The following ARHGAP32 variants were observed in gnomAD, a reference collection of about 807,000 sequenced individuals.
ARHGAP32 encodes Rho GTPase activating protein 32.
A neutral mutation model predicts 186.5 loss-of-function variants in ARHGAP32; 51 were observed. The observed-to-expected ratio is 0.27, with a 90% CI of 0.22 to 0.35. ARHGAP32 has a LOEUF of 0.35. Among genes scored for constraint, ARHGAP32 ranks in the 10% least tolerant of loss-of-function variants. The pLI is 1.00. For missense variants in ARHGAP32, 2,186 were observed against 2,623.5 expected (o/e 0.83, Z 3.64); for synonymous variants, 950 against 964.3 (o/e 0.99, Z 0.27).
rs896663068 is a variant in ARHGAP32, at chr11:129,043,928, GT to G, written c.964-2920del. 2.6e-5 allele frequency among the ~76,000 whole-genome samples: 4 copies of G among 152,018 alleles called. No homozygotes were observed. In the South Asian group the frequency reaches 6.2e-4, roughly 24 times the overall value. ...ACCCTCATCTGAAATTAACATATCA[GT>G]TTTTTTAACTAGTCTCAGATTTTAA... On this transcript the variant is annotated intron_variant, in intron 10 of 22. Coordinates refer to ENST00000682385, the MANE Select transcript of ARHGAP32 (RefSeq NM_001378024.1).
chr11:129,118,590 G>A (rs1942436768), intron 5 of ARHGAP32, among the ~76,000 whole-genome samples: 1 of 151,946 alleles, frequency 6.6e-6, no homozygotes, highest in African/African-American at 2.4e-5. Flanking sequence ...AGAACCTAAT[G>A]AGCAATAATC....
Position 128,973,445 on chromosome 11 carries a change from T to C in ARHGAP32, c.3074-13A>G, listed in dbSNP as rs753415539. On this transcript the variant is annotated splice_polypyrimidine_tract_variant and intron_variant, in intron 21 of 22. Transcript: ENST00000682385. ...TGGGTAACTGCTCCTAGTGGGAAATTGGGAAAAAAAATGAGAGTGAAAAGG... is the reference window on the plus strand; with the variant it reads ...TGGGTAACTGCTCCTAGTGGGAAATCGGGAAAAAAAATGAGAGTGAAAAGG... 5 of 1,606,010 alleles carry C rather than the reference T, an allele frequency of 3.1e-6. No individual in the cohort carries two copies. In the East Asian group the frequency reaches 6.7e-5, roughly 22 times the overall value.
At chr11:129,163,334 T>C (rs754910495) in intron 2 of ARHGAP32, among the ~76,000 whole-genome samples, 91 of 152,276 alleles carry the variant, frequency 6.0e-4, no homozygotes, top group Middle Eastern at 3.4e-3. Flanking sequence ...AAGAAGAATT[T>C]CTTCATTCTT....
intron 10 of ARHGAP32, among the ~76,000 whole-genome samples, chr11:129,055,588 A>G (rs900504817): frequency 2.6e-5 from 4 of 152,256 alleles, no homozygotes; most frequent in African/African-American, 9.6e-5. Context: ...GACACTGAAT[A>G]TTAGATAGTG....
chr11:129,171,824 T>C (rs189148008), intron 1 of ARHGAP32, among the ~76,000 whole-genome samples: 2 of 152,350 alleles, frequency 1.3e-5, no homozygotes, highest in Admixed American at 1.3e-4. Context: ...TTTCTATTTG[T>C]TTGTGTCATC....
intron 8 of ARHGAP32, among the ~76,000 whole-genome samples, chr11:129,064,534 T>C (rs200688763): frequency 1.3e-5 from 2 of 152,138 alleles, no homozygotes; most frequent in South Asian, 2.1e-4. Context: ...AAAAATATTT[T>C]CAATTACTAA....
At chr11:129,022,365 T>G (rs1284566334) in intron 11 of ARHGAP32, among the ~76,000 whole-genome samples, 3 of 152,110 alleles carry the variant, frequency 2.0e-5, no homozygotes, top group Admixed American at 2.0e-4. Context: ...GGTTTTTGAT[T>G]TTGTGGGTTT....
At chr11:129,106,869 G>A (rs988557214) in intron 5 of ARHGAP32, among the ~76,000 whole-genome samples, 12 of 152,048 alleles carry the variant, frequency 7.9e-5, no homozygotes, top group African/African-American at 2.2e-4. Context: ...ACCAACTCTC[G>A]CATTATGGAA....
intron 2 of ARHGAP32, among the ~76,000 whole-genome samples, chr11:129,162,481 T>C (rs1223919061): frequency 2.0e-5 from 3 of 152,102 alleles, no homozygotes; most frequent in Non-Finnish European, 4.4e-5. Context: ...GAGTGTGAAA[T>C]GACTGAAGAA....
chr11:128,986,951 A>C (rs1182551653), intron 13 of ARHGAP32, among the ~76,000 whole-genome samples: 1 of 152,200 alleles, frequency 6.6e-6, no homozygotes, highest in East Asian at 1.9e-4. Flanking sequence ...CTCTTATAGT[A>C]CAACAGTCTG....
At chr11:129,095,308 G>C (rs931363957) in intron 5 of ARHGAP32, among the ~76,000 whole-genome samples, 1 of 152,168 alleles carries the variant, frequency 6.6e-6, no homozygotes, top group Admixed American at 6.5e-5. Flanking sequence ...ACAGGGTAAG[G>C]AGAAGCCAGC....
upstream of ARHGAP32, among the ~76,000 whole-genome samples, chr11:129,194,189 A>G (rs1245389676): frequency 6.6e-6 from 1 of 152,180 alleles, no homozygotes; most frequent in Non-Finnish European, 1.5e-5. Flanking sequence ...GCAATTTAGC[A>G]AAATCTACCA....
At chr11:129,015,111 T>A (rs986739130) in intron 11 of ARHGAP32, among the ~76,000 whole-genome samples, 1 of 152,150 alleles carries the variant, frequency 6.6e-6, no homozygotes, top group Non-Finnish European at 1.5e-5. Context: ...TAACAAATGT[T>A]AAGAATTGGA....
At chr11:129,105,467 T>C (rs2135317279) in intron 5 of ARHGAP32, among the ~76,000 whole-genome samples, 1 of 152,302 alleles carries the variant, frequency 6.6e-6, no homozygotes, top group Middle Eastern at 3.4e-3. Context: ...CCGGAGAAAG[T>C]GGCTTTTTCA....
chr11:129,179,183 A>G (rs1018359969), intron 1 of ARHGAP32, among the ~76,000 whole-genome samples: 1 of 152,230 alleles, frequency 6.6e-6, no homozygotes, highest in Non-Finnish European at 1.5e-5. Context: ...GCCAAAAAAC[A>G]TATGAAAAAA....
chr11:129,084,586 A>G (rs1941322293), intron 6 of ARHGAP32, among the ~76,000 whole-genome samples: 1 of 152,162 alleles, frequency 6.6e-6, no homozygotes, highest in South Asian at 2.1e-4. Context: ...AAACACAGAA[A>G]AAGCATTTAA....
intron 11 of ARHGAP32, among the ~76,000 whole-genome samples, chr11:129,037,080 T>A (rs1262643157): frequency 6.6e-6 from 1 of 151,878 alleles, no homozygotes; most frequent in Non-Finnish European, 1.5e-5. Flanking sequence ...AATAAGAAAA[T>A]GAAATGTTAA....
intron 2 of ARHGAP32, among the ~76,000 whole-genome samples, chr11:129,141,328 G>A (rs1459039600): frequency 2.6e-5 from 4 of 151,018 alleles, no homozygotes; most frequent in Non-Finnish European, 1.5e-5. Flanking sequence ...GTAGCGACAT[G>A]GATGAAGCTG....
At chr11:128,980,784 A>G (rs1233591298) in intron 17 of ARHGAP32, 36 bp from the exon 18 acceptor site, 1 of 1,461,482 alleles carries the variant, frequency 6.8e-7, no homozygotes. Context: ...AAGAGAGTCA[A>G]CTACGTGAGT....
Sources: allele counts gnomAD v4.1 joint callset (sites outside exome capture counted in the v4.1 genomes callset), GRCh38; gene constraint gnomAD v4.1.1; transcripts MANE v1.5; gene names NCBI Gene and HGNC (gene_info 2026-07-23, HGNC 2026-07-21).